The following PRKCA variants were observed in gnomAD, a reference collection of about 807,000 sequenced individuals.
PRKCA encodes the protein protein kinase C alpha type.
Under a neutral mutation model 87.0 loss-of-function variants are expected in PRKCA, and 27 were observed. The ratio of observed to expected loss-of-function variants is 0.31; its 90% CI spans 0.23 to 0.43. PRKCA has a LOEUF of 0.43. PRKCA is among the 20% of genes least tolerant of loss of function. The pLI, the probability that PRKCA is intolerant of heterozygous loss-of-function variation, is 1.00. For synonymous variants in PRKCA, 329 were observed against 311.1 expected (o/e 1.06, Z -0.61); for missense variants, 518 against 852.3 (o/e 0.61, Z 4.88).
intron 2 of PRKCA, among the ~76,000 whole-genome samples, chr17:66,370,228 C>CTTT (rs35851942): frequency 0.032 from 3,605 of 112,086 alleles, 222 homozygotes; most frequent in African/African-American, 0.065. Context: ...TATTTTGATA[C>CTTT]TTTTTTTTTT....
intron 13 of PRKCA, among the ~76,000 whole-genome samples, chr17:66,752,425 T>C (rs1027691945): frequency 5.9e-5 from 9 of 152,038 alleles, no homozygotes; most frequent in Non-Finnish European, 1.0e-4. Context: ...TGAAACCCCA[T>C]CTCCACTAAA....
intron 3 of PRKCA, among the ~76,000 whole-genome samples, chr17:66,566,976 G>C (rs1363247572): frequency 6.6e-6 from 1 of 152,156 alleles, no homozygotes; most frequent in Non-Finnish European, 1.5e-5. Flanking sequence ...TTATCCCATA[G>C]ATAACTAAAC....
intron 2 of PRKCA, among the ~76,000 whole-genome samples, chr17:66,318,534 G>T (rs1219202011): frequency 6.6e-6 from 1 of 152,120 alleles, no homozygotes; most frequent in Non-Finnish European, 1.5e-5. Flanking sequence ...TGTCGGGCTG[G>T]AGCGGGAATA....
intron 2 of PRKCA, among the ~76,000 whole-genome samples, chr17:66,459,728 G>A (rs1192288073): frequency 6.6e-6 from 1 of 152,178 alleles, no homozygotes; most frequent in Non-Finnish European, 1.5e-5. Context: ...CGACTCCATC[G>A]GGGGTGCTTT....
chr17:66,406,374 T>C (rs1015852435), intron 2 of PRKCA, among the ~76,000 whole-genome samples: 8 of 152,170 alleles, frequency 5.3e-5, no homozygotes, highest in African/African-American at 1.9e-4. Flanking sequence ...AAGATCCCCA[T>C]TGTACAGATG....
intron 16 of PRKCA, 91 bp downstream of exon 16, chr17:66,789,070 C>T (rs1432987121): frequency 2.7e-5 from 37 of 1,375,652 alleles, no homozygotes; most frequent in Non-Finnish European, 3.3e-5. Context: ...GAGAGGAGGC[C>T]GGTGCCCCTG....
At chr17:66,463,406 A>AT (rs1439728766) in intron 2 of PRKCA, among the ~76,000 whole-genome samples, 1 of 145,590 alleles carries the variant, frequency 6.9e-6, no homozygotes, top group Admixed American at 6.8e-5. Context: ...AAATTTTTTT[A>AT]TTTTTTTGAG....
At chr17:66,692,920 C>G (rs1469294587) in intron 8 of PRKCA, among the ~76,000 whole-genome samples, 7 of 152,186 alleles carry the variant, frequency 4.6e-5, no homozygotes, top group Non-Finnish European at 1.5e-5. Context: ...AGTGGGATCA[C>G]ACAGTGTCCA....
intron 3 of PRKCA, among the ~76,000 whole-genome samples, chr17:66,511,060 A>G (rs1332493548): frequency 6.6e-6 from 1 of 151,842 alleles, no homozygotes; most frequent in African/African-American, 2.4e-5. Context: ...TAGGTGAGGC[A>G]TTTTTTTTCG....
chr17:66,769,134 A>G (rs578237330), intron 13 of PRKCA, among the ~76,000 whole-genome samples: 46 of 152,248 alleles, frequency 3.0e-4, no homozygotes, highest in African/African-American at 1.1e-3. Flanking sequence ...GGCTGGGCAT[A>G]GTGGCTGATA....
chr17:66,610,718 A>G (rs940460157), intron 3 of PRKCA, among the ~76,000 whole-genome samples: 1 of 152,314 alleles, frequency 6.6e-6, no homozygotes, highest in East Asian at 1.9e-4. Flanking sequence ...CAAGGGAAGG[A>G]AGGGGTTTTT....
At chr17:66,688,919 G>A (rs755092370) in intron 7 of PRKCA, 32 bp from the exon 8 acceptor site, 67 of 1,394,960 alleles carry the variant, frequency 4.8e-5, no homozygotes, top group African/African-American at 1.4e-4. Flanking sequence ...TTAAACTTGC[G>A]GTGGTAACTC....
chr17:66,724,319 G>A lies in PRKCA; in HGVS notation c.919-8369G>A, dbSNP rs140256926. Among the ~76,000 whole-genome samples, 16 of 151,692 alleles carry A rather than the reference G, an allele frequency of 1.1e-4. No individual in the cohort carries two copies. The East Asian group carries it at 3.1e-3, about 29-fold the overall frequency. On this transcript the variant is annotated intron_variant, in intron 8 of 16. Transcript: ENST00000413366. ...TCAAAAAAAAAAAAAGAACTGAACAGACATCATCAGAGCTGAAAGGAGATT... is the reference window on the plus strand; with the variant it reads ...TCAAAAAAAAAAAAAGAACTGAACAAACATCATCAGAGCTGAAAGGAGATT...
At chr17:66,495,733 G>A (rs1238063642) in intron 2 of PRKCA, among the ~76,000 whole-genome samples, 1 of 151,628 alleles carries the variant, frequency 6.6e-6, no homozygotes, top group Non-Finnish European at 1.5e-5. Context: ...GTGTATGTGT[G>A]TGTGTGTGTA....
intron 2 of PRKCA, among the ~76,000 whole-genome samples, chr17:66,357,673 T>C (rs1908144265): frequency 1.3e-5 from 2 of 152,216 alleles, no homozygotes; most frequent in South Asian, 2.1e-4. Flanking sequence ...ACCTTTCTCA[T>C]AGGAGTTTGT....
At chr17:66,583,503 A>T (rs1010763810) in intron 3 of PRKCA, among the ~76,000 whole-genome samples, 4 of 152,130 alleles carry the variant, frequency 2.6e-5, no homozygotes, top group African/African-American at 9.7e-5. Context: ...AGTTTCCTTT[A>T]GGGAAATATT....
chr17:66,480,820 T>C (rs1915745310), intron 2 of PRKCA, among the ~76,000 whole-genome samples: 1 of 152,168 alleles, frequency 6.6e-6, no homozygotes, highest in Admixed American at 6.5e-5. Context: ...TGAGAGTGTT[T>C]AGTAAAATAT....
rs373741084 is a variant in PRKCA, at chr17:66,688,347, C to A, written c.732C>A (p.Ile244=). 3 of 1,614,068 alleles carry A rather than the reference C, an allele frequency of 1.9e-6. No individual in the cohort carries two copies. The highest frequency in any genetic ancestry group is 1.3e-5 in the African/African-American group (1 of 74,926). The change falls in exon 7 of 17, where the codon ATC becomes ATA. Residue 244 remains isoleucine (I), a synonymous_variant. Transcript: ENST00000413366. ...AAGACCGACGACTGTCTGTAGAAAT[C>A]TGGGACTGGGATCGAACAACAAGGA... is the stretch of plus-strand genomic sequence containing the variant. ...SDKDRRLSVE[I]WDWDRTTRND...
At chr17:66,454,211 G>A (rs1270862624) in intron 2 of PRKCA, among the ~76,000 whole-genome samples, 1 of 152,208 alleles carries the variant, frequency 6.6e-6, no homozygotes, top group Non-Finnish European at 1.5e-5. Flanking sequence ...TGGCAGCTTT[G>A]TAGGTGCTAA....
Sources: gnomAD v4.1 joint callset for allele counts (sites outside exome capture counted in the v4.1 genomes callset) on GRCh38, gnomAD v4.1.1 for gene constraint, MANE v1.5 for transcripts, NCBI Gene and HGNC (gene_info 2026-07-23, HGNC 2026-07-21) for gene names.